Variants in IQGAP3 observed in about 807,000 individuals in gnomAD.
IQGAP3 encodes IQ motif containing GTPase activating protein 3, also known as ras GTPase-activating-like protein IQGAP3.
In IQGAP3, 165 loss-of-function variants were observed where a neutral mutation model predicts 208.2. That is an observed-to-expected ratio of 0.79 (90% CI 0.70 to 0.90). IQGAP3 has a LOEUF of 0.90. Ranked by LOEUF, IQGAP3 falls within the 40% of genes least tolerant of loss-of-function variation. The pLI is 0.00. For missense variants in IQGAP3, 1,811 were observed against 2,043.1 expected (o/e 0.89, Z 2.19); for synonymous variants, 703 against 803.6 (o/e 0.87, Z 2.12).
chr1:156,539,557 CA>C lies in IQGAP3; in HGVS notation c.2893-21del. 6.2e-7 allele frequency: 1 copy of C among 1,613,428 alleles called. No individual in the cohort carries two copies. Among genetic ancestry groups the C allele is most frequent in the East Asian group, 2.2e-5 (1 of 44,878 alleles). On this transcript the variant is annotated intron_variant, in intron 24 of 37. Transcript: ENST00000361170. The stretch of plus-strand genomic sequence containing the variant: ...CTGAGTCTGCAAGCAAGAGGGGAGA[CA>C]GGAATGGCTGACCATGCACTTCAAG...
chr1:156,559,283 G>A (rs1055511882), intron 11 of IQGAP3, among the ~76,000 whole-genome samples: 2 of 152,206 alleles, frequency 1.3e-5, no homozygotes, highest in African/African-American at 4.8e-5. Flanking sequence ...AGGGACCAAG[G>A]CTTGATGACA....
At chr1:156,571,800 G>A (rs1291157332) in intron 1 of IQGAP3, among the ~76,000 whole-genome samples, 1 of 152,222 alleles carries the variant, frequency 6.6e-6, no homozygotes, top group Non-Finnish European at 1.5e-5. Context: ...AGTGGTGGAA[G>A]GAGCAGGTTT....
rs1674058399 is a variant in IQGAP3, at chr1:156,526,369, C to T, written c.*117G>A. On this transcript the variant is annotated 3_prime_UTR_variant, in exon 38 of 38. Coordinates refer to ENST00000361170, the MANE Select transcript of IQGAP3 (RefSeq NM_178229.5). ...CCCAGCTGGGGAAGGGGTGAGAATC[C>T]CTGGGCCTTGCCCAGTCCTGAGCTC... 2.8e-6 allele frequency: 2 copies of T among 710,636 alleles called. No homozygotes were observed. The highest frequency in any genetic ancestry group is 1.6e-5 in the South Asian group (1 of 61,078). 44.0% of individuals were successfully genotyped at this position (710,636 alleles called of 1,614,324 possible). A position where few individuals can be genotyped will look rare whatever the true frequency, so the allele number is the denominator to read the frequency against.
chr1:156,529,974 C>A (rs1251648951), intron 34 of IQGAP3, 131 bp downstream of exon 34: 3 of 656,870 alleles, frequency 4.6e-6, no homozygotes, highest in Non-Finnish European at 7.8e-6. Flanking sequence ...CCTCAGCCTT[C>A]CTCTGGCTGG....
chr1:156,565,756 G>A (rs909051428), intron 4 of IQGAP3, among the ~76,000 whole-genome samples: 1 of 152,186 alleles, frequency 6.6e-6, no homozygotes, highest in African/African-American at 2.4e-5. Flanking sequence ...ATACGAGCAT[G>A]ACATAGCAGC....
At chr1:156,554,476 G>C in intron 12 of IQGAP3, 84 bp from the exon 13 acceptor site, 2 of 1,342,302 alleles carry the variant, frequency 1.5e-6, no homozygotes, top group Non-Finnish European at 2.0e-6. Flanking sequence ...CAAGGTTCTT[G>C]AATATCCCAG....
chr1:156,545,962 GC>G (rs1288142967), intron 19 of IQGAP3, among the ~76,000 whole-genome samples: 4 of 152,100 alleles, frequency 2.6e-5, no homozygotes, highest in Non-Finnish European at 5.9e-5. Context: ...TTCCCTCAAG[GC>G]TTACACGGCC....
chr1:156,563,344 G>A (rs377631738), intron 7 of IQGAP3, 32 bp from the exon 8 acceptor site: 1 of 1,555,520 alleles, frequency 6.4e-7, no homozygotes, highest in East Asian at 2.3e-5. Flanking sequence ...AGGTCAGGAG[G>A]CCAGAGTGAA....
chr1:156,566,240 T>A, intron 3 of IQGAP3, 136 bp from the exon 4 acceptor site: 1 of 1,212,806 alleles, frequency 8.2e-7, no homozygotes, highest in Non-Finnish European at 1.2e-6. Flanking sequence ...GGATTTTCCA[T>A]CCCTACCAGG....
At chr1:156,571,638 G>A (rs968579595) in intron 1 of IQGAP3, among the ~76,000 whole-genome samples, 7 of 152,186 alleles carry the variant, frequency 4.6e-5, no homozygotes, top group Non-Finnish European at 8.8e-5. Flanking sequence ...GACTGTGGGC[G>A]ATGGGAGGGA....
Position 156,563,126 on chromosome 1 carries a change from C to T in IQGAP3, c.798+8G>A. ...TTTCGGTCCCTGCAACCCAAGACTA[C>T]TCCTTACATGGTTCCTGGCATTGGC... On this transcript the variant is annotated splice_region_variant and intron_variant, in intron 8 of 37. Coordinates refer to ENST00000361170, the MANE Select transcript of IQGAP3 (RefSeq NM_178229.5). The T allele has an allele frequency of 6.3e-7, 1 of 1,579,412 alleles. No homozygotes were observed. The highest frequency in any genetic ancestry group is 8.6e-7 in the Non-Finnish European group (1 of 1,158,560).
In IQGAP3 at chr1:156,560,949, C is replaced by T. The variant is rs777558552; in HGVS notation, c.1114G>A (p.Asp372Asn). ...AGVAAANTKG[D>N]QEQAMLHAVQ... The stretch of plus-strand genomic sequence containing the variant: ...GATGACTTACTGGCTTGTTCCTGAT[C>T]ACCCTTTGTGTTGGCTGCAGCCACA... Residue 372 changes from aspartate (D) to asparagine (N), a missense_variant, in exon 11 of 38, where the codon GAT (aspartate) becomes AAT (asparagine). Physicochemically the swap from Asp to Asn is conservative, Grantham distance 23. Coordinates refer to ENST00000361170, the MANE Select transcript of IQGAP3 (RefSeq NM_178229.5). The T allele has an allele frequency of 6.2e-7, 1 of 1,613,442 alleles. No individual in the cohort carries two copies.
chr1:156,558,371 T>TG lies in IQGAP3; in HGVS notation c.1130-1679dup, dbSNP rs1235127555. On this transcript the variant is annotated intron_variant, in intron 11 of 37. Coordinates refer to ENST00000361170, the MANE Select transcript of IQGAP3 (RefSeq NM_178229.5). ...CGAGCCGCCCCGTCCGGGAGGGTGG[T>TG]GGGGGGGTCAGCCCCCCGCCCGGCC... 8.1e-3 allele frequency among the ~76,000 whole-genome samples: 218 copies of TG among 26,820 alleles called. 1 individual carries two copies. Among genetic ancestry groups the TG allele is most frequent in the African/African-American group, 0.023 (189 of 8,392 alleles). 17.6% of individuals were successfully genotyped at this position (26,820 alleles called of 152,430 possible).
rs11264496 is a variant in IQGAP3 at position 156,548,641 on chromosome 1, C to T, written c.1933G>A (p.Asp645Asn). ...GCTCGCTGGTAGCCGTTGGCACAGT[C>T]GGGAACTACCCCTCGAAGGGCCACT... ...PAVALRGVVP[D>N]CANGYQRALE... The change falls in exon 17 of 38, where the codon GAC (aspartate) becomes AAC (asparagine). Residue 645 changes from aspartate to asparagine, a missense_variant. Asp to Asn is a conservative substitution (Grantham distance 23). Coordinates refer to ENST00000361170, the MANE Select transcript of IQGAP3 (RefSeq NM_178229.5). 7.4e-3 allele frequency: 11,956 copies of T among 1,612,102 alleles called. 114 individuals are homozygous for T. Among genetic ancestry groups the T allele is most frequent in the African/African-American group, 0.045 (3,402 of 75,000 alleles).
intron 30 of IQGAP3, 23 bp from the exon 31 acceptor site, chr1:156,533,898 G>C (rs1205564311): frequency 6.2e-7 from 1 of 1,604,736 alleles, no homozygotes; most frequent in African/African-American, 1.3e-5. Flanking sequence ...GAAAGAAAAG[G>C]AGATGCAGGG....
At chr1:156,557,569 G>T (rs1409536234) in intron 11 of IQGAP3, among the ~76,000 whole-genome samples, 7 of 83,158 alleles carry the variant, frequency 8.4e-5, no homozygotes, top group African/African-American at 2.3e-4. Context: ...AGGTGGGGGG[G>T]TCAGCCCCCC....
intron 1 of IQGAP3, among the ~76,000 whole-genome samples, chr1:156,571,900 T>A (rs1264415573): frequency 6.6e-6 from 1 of 152,144 alleles, no homozygotes. Flanking sequence ...TCTTTGAAAA[T>A]GTGGCCCAGG....
chr1:156,550,165 G>A, intron 16 of IQGAP3, 96 bp downstream of exon 16: 1 of 800,208 alleles, frequency 1.2e-6, no homozygotes, highest in Non-Finnish European at 2.1e-6. Flanking sequence ...TGAAGGGAGA[G>A]GGTGGTGACC....
rs189865690 is a variant in IQGAP3, at chr1:156,528,854, G to A, written c.4571+62C>T. On this transcript the variant is annotated intron_variant, in intron 35 of 37. Transcript: ENST00000361170. Reference sequence around the variant, plus strand: ...AAAGCTGGGAGATAGCAGGGCAAAGGTGACATGGGCAGGGGTGAGAAGTCA... The same window carrying A: ...AAAGCTGGGAGATAGCAGGGCAAAGATGACATGGGCAGGGGTGAGAAGTCA... The A allele has an allele frequency of 2.1e-4, 336 of 1,578,720 alleles. 1 individual carries two copies. The Middle Eastern group carries it at 3.0e-3, about 14-fold the overall frequency.
Sources: gnomAD v4.1 joint callset for allele counts (sites outside exome capture counted in the v4.1 genomes callset) on GRCh38, gnomAD v4.1.1 for gene constraint, MANE v1.5 for transcripts, NCBI Gene and HGNC (gene_info 2026-07-23, HGNC 2026-07-21) for gene names.